TRABD: variants seen among roughly 807,000 people sequenced by gnomAD.
The protein encoded by TRABD is TraB domain containing.
Under a neutral mutation model 39.6 loss-of-function variants are expected in TRABD, and 23 were observed. The observed-to-expected ratio is 0.58, with a 90% CI of 0.42 to 0.82. The LOEUF is 0.82. TRABD is among the 40% of genes least tolerant of loss of function. The probability of loss-of-function intolerance (pLI) is 0.00; values close to 1 mark genes in which losing one functional copy is unlikely to be tolerated. For missense variants in TRABD, 487 were observed against 544.9 expected, an observed-to-expected ratio of 0.89 and a Z score of 1.06; for synonymous variants, 243 against 232.1, an observed-to-expected ratio of 1.05 and a Z score of -0.43.
chr22:50,193,447 T>C, intron 2 of TRABD, 129 bp from the exon 3 acceptor site: 2 of 900,874 alleles, frequency 2.2e-6, no homozygotes, highest in Non-Finnish European at 3.5e-6. Flanking sequence ...GGCCCTCGTT[T>C]TTCAGGGTGT....
intron 4 of TRABD, 64 bp downstream of exon 4, chr22:50,194,570 A>C (rs1234072172): frequency 6.5e-7 from 1 of 1,546,220 alleles, no homozygotes; most frequent in East Asian, 2.4e-5. Context: ...TCCTGCACTC[A>C]GGGACCTCCC....
chr22:50,187,307 TC>T (rs1260017125), intron 1 of TRABD, among the ~76,000 whole-genome samples: 1 of 152,180 alleles, frequency 6.6e-6, no homozygotes, highest in African/African-American at 2.4e-5. Flanking sequence ...GTTTCCCGTC[TC>T]CCAGCTCTGC....
In TRABD at chr22:50,198,779, C is replaced by CT. The variant is rs2064222855; in HGVS notation, c.*260_*261insT. 5.5e-6 allele frequency: 3 copies of CT among 542,406 alleles called. No individual in the cohort carries two copies. The highest frequency in any genetic ancestry group is 9.7e-6 in the Non-Finnish European group (3 of 307,962). The allele number at this position is 542,406 out of a possible 1,614,324, so 33.6% of individuals were successfully genotyped here. A position where few individuals can be genotyped will look rare whatever the true frequency, so the allele number is the denominator to read the frequency against. On this transcript the variant is annotated 3_prime_UTR_variant, in exon 10 of 10. Coordinates refer to ENST00000380909, the MANE Select transcript of TRABD (RefSeq NM_001320485.2). The surrounding 1 kb of genome is among the most constrained non-coding windows in gnomAD (Gnocchi z 7.9). ...GCCGTTCCCCAGCTTCTGGACAAGA[C>CT]ACCCAGCTCCGAGGGGGCAGGGGCT...
chr22:50,194,464 G>A lies in TRABD; in HGVS notation c.237G>A (p.Gly79=). 6.2e-7 allele frequency: 1 copy of A among 1,608,032 alleles called. No homozygotes were observed. The highest frequency in any genetic ancestry group is 8.5e-7 in the Non-Finnish European group (1 of 1,177,582). The part of the protein sequence containing the change: ...AEDGSRVYVV[G]TAHFSDDSKR... ...ACGGGAGCAGGGTGTACGTGGTGGG[G>A]ACAGCCCACTTCAGCGACGACAGCA... is the stretch of plus-strand genomic sequence containing the variant. Residue 79 remains glycine, a synonymous_variant, in exon 4 of 10, where the codon GGG becomes GGA. Coordinates refer to ENST00000380909, the MANE Select transcript of TRABD (RefSeq NM_001320485.2).
rs781211686 is a variant in TRABD at position 50,198,001 on chromosome 22, G to A, written c.844+6G>A. On this transcript the variant is annotated splice_donor_region_variant and intron_variant, in intron 8 of 9. Coordinates refer to ENST00000380909, the MANE Select transcript of TRABD (RefSeq NM_001320485.2). This position sits in a 1 kb window ranked among gnomAD's most constrained non-coding sequence, Gnocchi z 7.9. ...GCTGCCTCGGGCCTCTGACGGTGAC[G>A]GCCGCCCGCAGGCGTGGGACCCCCT... is the stretch of plus-strand genomic sequence containing the variant. 6.1e-5 allele frequency: 98 copies of A among 1,610,668 alleles called. 1 individual carries two copies. The highest frequency in any genetic ancestry group is 5.4e-4 in the South Asian group (49 of 90,968).
intron 1 of TRABD, among the ~76,000 whole-genome samples, chr22:50,187,010 A>G (rs1206071891): frequency 6.6e-6 from 1 of 152,220 alleles, no homozygotes; most frequent in African/African-American, 2.4e-5. Flanking sequence ...AGGTCCCTGA[A>G]GAGGCCGTGC....
At chr22:50,187,002 G>A (rs921642087) in intron 1 of TRABD, among the ~76,000 whole-genome samples, 2 of 152,210 alleles carry the variant, frequency 1.3e-5, no homozygotes, top group Non-Finnish European at 2.9e-5. Flanking sequence ...TAGCTTTCAG[G>A]TCCCTGAAGA....
In TRABD at chr22:50,198,306, C is replaced by A; in HGVS notation, c.957-39C>A. ...GCATGGGGGCTGGGGTATGGGGAGC[C>A]CACCCCCAGCCAGGCCCAGCGCCCC... On this transcript the variant is annotated intron_variant, in intron 9 of 9. Transcript: ENST00000380909. This position sits in a 1 kb window ranked among gnomAD's most constrained non-coding sequence, Gnocchi z 7.9. 6.6e-7 allele frequency: 1 copy of A among 1,515,214 alleles called. No homozygotes were observed. Among genetic ancestry groups the A allele is most frequent in the Non-Finnish European group, 8.9e-7 (1 of 1,120,836 alleles). The allele number at this position is 1,515,214 out of a possible 1,614,324, so 93.9% of individuals were successfully genotyped here. A position where few individuals can be genotyped will look rare whatever the true frequency, so the allele number is the denominator to read the frequency against.
In TRABD at chr22:50,195,060, G is replaced by A; in HGVS notation, c.420+20G>A. The A allele has an allele frequency of 6.5e-7, 1 of 1,544,250 alleles. No homozygotes were observed. Among genetic ancestry groups the A allele is most frequent in the Non-Finnish European group, 8.7e-7 (1 of 1,151,096 alleles). ...AGGCAGGTGCGCAGCCGCGGGCAAGGGTCAGGGTCAGGGTCGGGGTCAAAG... is the reference window on the plus strand; with the variant it reads ...AGGCAGGTGCGCAGCCGCGGGCAAGAGTCAGGGTCAGGGTCGGGGTCAAAG... On this transcript the variant is annotated intron_variant, in intron 5 of 9. Transcript: ENST00000380909.
At chr22:50,197,134 T>C in intron 5 of TRABD, 107 bp from the exon 6 acceptor site, 1 of 1,156,164 alleles carries the variant, frequency 8.6e-7, no homozygotes, top group African/African-American at 1.5e-5. Flanking sequence ...AGCACTGGGC[T>C]GGGGCAGGGC....
chr22:50,192,618 G>GC (rs573328607), intron 1 of TRABD, among the ~76,000 whole-genome samples: 54 of 152,322 alleles, frequency 3.5e-4, no homozygotes, highest in Middle Eastern at 6.8e-3. Flanking sequence ...TTGTACAAAG[G>GC]CCCTGGGGTC....
chr22:50,186,205 G>T (rs2063752852), intron 1 of TRABD, among the ~76,000 whole-genome samples: 1 of 143,142 alleles, frequency 7.0e-6, no homozygotes, highest in South Asian at 2.3e-4. Context: ...GGGGCCGGGG[G>T]AGCAGGTCGT....
chr22:50,197,764 G>GGCCCCCC, intron 7 of TRABD, 59 bp from the exon 8 acceptor site: 119 of 1,284,452 alleles, frequency 9.3e-5, no homozygotes, highest in Non-Finnish European at 1.2e-4. Context: ...CACAGTGCCA[G>GGCCCCCC]CCCCACCCCC....
intron 1 of TRABD, among the ~76,000 whole-genome samples, 193 bp downstream of exon 1, chr22:50,186,169 T>C (rs1602412488): frequency 1.2e-5 from 1 of 80,310 alleles, no homozygotes; most frequent in Non-Finnish European, 2.5e-5. Context: ...GTCGTGGGGG[T>C]CAGGCCCGGA....
intron 1 of TRABD, 65 bp from the exon 2 acceptor site, chr22:50,192,962 G>C (rs981875358): frequency 1.9e-5 from 27 of 1,415,630 alleles, no homozygotes; most frequent in East Asian, 9.9e-5. Flanking sequence ...AGGGCACTAC[G>C]CAGTGAGTCC....
In TRABD at chr22:50,194,236, C is replaced by G; in HGVS notation, c.113-104C>G. ...AGGAGTCTTGTGCTCTGCACCTGTT[C>G]AGTTCTCAGAACCCAGGAGGGTTCT... On this transcript the variant is annotated intron_variant, in intron 3 of 9. Coordinates refer to ENST00000380909, the MANE Select transcript of TRABD (RefSeq NM_001320485.2). 2.1e-6 allele frequency: 3 copies of G among 1,417,928 alleles called. No homozygotes were observed. The South Asian group carries it at 4.1e-5, about 19-fold the overall frequency. 87.8% of individuals were successfully genotyped at this position (1,417,928 alleles called of 1,614,324 possible).
chr22:50,186,620 T>G (rs1471454479), intron 1 of TRABD, among the ~76,000 whole-genome samples: 1 of 152,066 alleles, frequency 6.6e-6, no homozygotes, highest in Non-Finnish European at 1.5e-5. Context: ...GGCCCAGGCC[T>G]GCGGGTCTCT....
chr22:50,198,398 CCTT>C lies in TRABD; in HGVS notation c.1015_1017del (p.Phe339del). On this transcript the variant is annotated inframe_deletion, in exon 10 of 10. Transcript: ENST00000380909. The surrounding 1 kb of genome is among the most constrained non-coding windows in gnomAD (Gnocchi z 7.9). Reference sequence around the variant, plus strand: ...GTGTCTCGGTTGGCCGTGAAGGCCGCCTTCTTCGGCCTGCTGGGCTACAGCCTG... The same window carrying C: ...GTGTCTCGGTTGGCCGTGAAGGCCGCCTTCGGCCTGCTGGGCTACAGCCTG... 1 of 1,594,636 alleles carries C rather than the reference CCTT, an allele frequency of 6.3e-7. No homozygotes were observed. Among genetic ancestry groups the C allele is most frequent in the Non-Finnish European group, 8.5e-7 (1 of 1,176,374 alleles).
intron 1 of TRABD, among the ~76,000 whole-genome samples, chr22:50,189,227 G>C (rs1367977363): frequency 6.6e-6 from 1 of 152,100 alleles, no homozygotes; most frequent in Non-Finnish European, 1.5e-5. Context: ...CCCAGAGAGG[G>C]CCTCCTGTGT....
Sources: gnomAD v4.1 joint callset for allele counts (sites outside exome capture counted in the v4.1 genomes callset) on GRCh38, gnomAD v4.1.1 for gene constraint, Gnocchi (gnomAD v3.1) non-coding constraint, MANE v1.5 for transcripts, NCBI Gene and HGNC (gene_info 2026-07-23, HGNC 2026-07-21) for gene names.